Variants in PAPSS1 observed in about 807,000 individuals in gnomAD.
The protein encoded by PAPSS1 is bifunctional 3'-phosphoadenosine 5'-phosphosulfate synthase 1.
A neutral mutation model predicts 72.0 loss-of-function variants in PAPSS1; 50 were observed. The ratio of observed to expected loss-of-function variants is 0.69; its 90% CI spans 0.55 to 0.88. The LOEUF is 0.88. Ranked by LOEUF, PAPSS1 falls within the 40% of genes least tolerant of loss-of-function variation. The probability of loss-of-function intolerance (pLI) is 0.00; values close to 1 mark genes in which losing one functional copy is unlikely to be tolerated. For synonymous variants in PAPSS1, 261 were observed against 263.6 expected (o/e 0.99, Z 0.09); for missense variants, 657 against 782.2 (o/e 0.84, Z 1.91).
chr4:107,625,371 G>C (rs939174251), intron 11 of PAPSS1, among the ~76,000 whole-genome samples: 1 of 152,184 alleles, frequency 6.6e-6, no homozygotes, highest in African/African-American at 2.4e-5. Flanking sequence ...TCTTGTAGCA[G>C]AAGGGAAGTC....
intron 5 of PAPSS1, among the ~76,000 whole-genome samples, chr4:107,667,169 T>C (rs1004559985): frequency 4.6e-5 from 7 of 152,116 alleles, no homozygotes; most frequent in African/African-American, 1.7e-4. Context: ...AAAGCCTACA[T>C]AAAAACTTCT....
chr4:107,714,007 C>G (rs1251259952), intron 1 of PAPSS1, among the ~76,000 whole-genome samples: 1 of 152,156 alleles, frequency 6.6e-6, no homozygotes, highest in East Asian at 1.9e-4. Flanking sequence ...AGATTTCTCT[C>G]CTTGATCAAA....
chr4:107,623,988 A>G (rs1726032161), intron 11 of PAPSS1, among the ~76,000 whole-genome samples: 1 of 152,106 alleles, frequency 6.6e-6, no homozygotes, highest in Non-Finnish European at 1.5e-5. Flanking sequence ...CAGAAACCCA[A>G]ATTTTTTATA....
intron 2 of PAPSS1, among the ~76,000 whole-genome samples, chr4:107,694,799 A>C (rs770350700): frequency 1.3e-5 from 2 of 152,224 alleles, no homozygotes; most frequent in Non-Finnish European, 2.9e-5. Context: ...CTCAGTAAAC[A>C]AAGAGAAGGA....
intron 10 of PAPSS1, among the ~76,000 whole-genome samples, chr4:107,633,776 G>A (rs956233251): frequency 1.3e-5 from 2 of 151,984 alleles, no homozygotes; most frequent in Non-Finnish European, 2.9e-5. Context: ...AAAATTAGCC[G>A]GGTGTGGTGG....
At chr4:107,646,318 C>CACAT (rs1726693006) in intron 9 of PAPSS1, among the ~76,000 whole-genome samples, 1 of 149,636 alleles carries the variant, frequency 6.7e-6, no homozygotes, top group African/African-American at 2.5e-5. Flanking sequence ...TATACACACA[C>CACAT]ACACACACAT....
chr4:107,614,485 G>C, intron 11 of PAPSS1, 98 bp from the exon 12 acceptor site: 1 of 808,882 alleles, frequency 1.2e-6, no homozygotes. Flanking sequence ...CAAACTTAAT[G>C]AAAAAAAAAT....
chr4:107,685,299 A>G (rs569341644), intron 4 of PAPSS1, among the ~76,000 whole-genome samples: 3 of 152,372 alleles, frequency 2.0e-5, no homozygotes, highest in East Asian at 1.9e-4. Flanking sequence ...CTAAACACAC[A>G]CAAGTGTTCA....
At chr4:107,638,121 T>C (rs1440094047) in intron 10 of PAPSS1, among the ~76,000 whole-genome samples, 1 of 152,222 alleles carries the variant, frequency 6.6e-6, no homozygotes, top group Non-Finnish European at 1.5e-5. Flanking sequence ...TTAATAAAAC[T>C]GATATTCTAA....
chr4:107,616,378 A>G (rs1578375543), intron 11 of PAPSS1, among the ~76,000 whole-genome samples: 1 of 152,146 alleles, frequency 6.6e-6, no homozygotes, highest in Admixed American at 6.5e-5. Flanking sequence ...GCCTCATAAC[A>G]ATTATAATGG....
intron 11 of PAPSS1, among the ~76,000 whole-genome samples, chr4:107,630,909 CA>C (rs1726210629): frequency 6.6e-6 from 1 of 152,128 alleles, no homozygotes; most frequent in Non-Finnish European, 1.5e-5. Context: ...CAAAATACTC[CA>C]AAATCTGAAA....
chr4:107,675,306 A>G (rs955876061), intron 5 of PAPSS1, among the ~76,000 whole-genome samples: 2 of 152,194 alleles, frequency 1.3e-5, no homozygotes, highest in African/African-American at 4.8e-5. Context: ...ATAAAGAAGA[A>G]AGGAGAGAAG....
chr4:107,625,049 A>G (rs1379122871), intron 11 of PAPSS1, among the ~76,000 whole-genome samples: 1 of 152,232 alleles, frequency 6.6e-6, no homozygotes, highest in African/African-American at 2.4e-5. Context: ...AGAAGTAACT[A>G]AAGAAATGTA....
At chr4:107,692,852 T>C (rs1334817222) in intron 3 of PAPSS1, among the ~76,000 whole-genome samples, 1 of 152,012 alleles carries the variant, frequency 6.6e-6, no homozygotes, top group Non-Finnish European at 1.5e-5. Flanking sequence ...TGCAGGGACA[T>C]GGATGGAGTT....
rs377193542 is a variant in PAPSS1, at chr4:107,620,737, T to C, written c.1737-6350A>G. On this transcript the variant is annotated intron_variant, in intron 11 of 11. Transcript: ENST00000265174. The stretch of plus-strand genomic sequence containing the variant: ...AGAATTATCTGGCCCAAAAGGCCAA[T>C]ACTCCTGAGATTGAGAAACCCTGCT... Among the ~76,000 whole-genome samples the C allele has an allele frequency of 4.6e-5, 7 of 152,288 alleles. 1 individual carries two copies. In the East Asian group the frequency reaches 9.6e-4, roughly 21 times the overall value.
chr4:107,632,653 T>TA (rs1248220545), intron 10 of PAPSS1, among the ~76,000 whole-genome samples: 1 of 152,130 alleles, frequency 6.6e-6, no homozygotes, highest in Non-Finnish European at 1.5e-5. Context: ...CTTTAGAATT[T>TA]AAAGTGACAG....
chr4:107,636,576 TC>T, intron 10 of PAPSS1, among the ~76,000 whole-genome samples: 1 of 152,268 alleles, frequency 6.6e-6, no homozygotes, highest in South Asian at 2.1e-4. Context: ...GGGGTAACAC[TC>T]TGGAGTGTAA....
At chr4:107,672,998 G>T (rs1465528596) in intron 5 of PAPSS1, among the ~76,000 whole-genome samples, 1 of 152,208 alleles carries the variant, frequency 6.6e-6, no homozygotes, top group Admixed American at 6.5e-5. Flanking sequence ...GCAGCTGAGG[G>T]TCCTGACTGT....
intron 5 of PAPSS1, among the ~76,000 whole-genome samples, chr4:107,664,100 T>A (rs1312110944): frequency 1.3e-5 from 2 of 152,122 alleles, no homozygotes; most frequent in Admixed American, 6.5e-5. Flanking sequence ...TGAGCCTCCA[T>A]TTCCAATGCT....
Sources: allele counts gnomAD v4.1 joint callset (sites outside exome capture counted in the v4.1 genomes callset), GRCh38; gene constraint gnomAD v4.1.1; transcripts MANE v1.5; gene names NCBI Gene and HGNC (gene_info 2026-07-23, HGNC 2026-07-21).